Variants in FGD2 observed in about 807,000 individuals in gnomAD.
FGD2 encodes the protein FYVE, RhoGEF and PH domain-containing protein 2.
Under a neutral mutation model 75.9 loss-of-function variants are expected in FGD2, and 52 were observed. The observed-to-expected ratio is 0.69, with a 90% CI of 0.55 to 0.86. FGD2 has a LOEUF of 0.86. FGD2 is among the 40% of genes least tolerant of loss of function. FGD2 has a pLI of 0.00. For synonymous variants in FGD2, 347 were observed against 348.6 expected (o/e 1.00, Z 0.05); for missense variants, 790 against 872.0 (o/e 0.91, Z 1.18).
chr6:37,009,444 A>C, intron 2 of FGD2: 1 of 209,204 alleles, frequency 4.8e-6, no homozygotes, highest in Non-Finnish European at 9.7e-6. Context: ...CTAGAAATAG[A>C]GGTCTGAGTG....
intron 14 of FGD2, 56 bp downstream of exon 14, chr6:37,025,994 C>A: frequency 6.3e-7 from 1 of 1,598,066 alleles, no homozygotes; most frequent in South Asian, 1.1e-5. Context: ...GAATGTGTGC[C>A]CGGCAACCAT....
At position 37,005,762 on chromosome 6, in the gene FGD2, G is replaced by A. The variant is rs943698057; in HGVS notation, c.-56G>A. The A allele has an allele frequency of 3.2e-6, 5 of 1,585,578 alleles. No individual in the cohort carries two copies. The African/African-American group carries it at 6.7e-5, about 21-fold the overall frequency. On this transcript the variant is annotated 5_prime_UTR_variant, in exon 1 of 16. The change creates a premature stop within an existing upstream ORF in the 5' untranslated region. Transcript: ENST00000274963. ...GCCAGCGTGGCTGAGTGTGCTGGCT[G>A]GAGGCCTCTCTCTCTGCTTCGAGGG... is the stretch of plus-strand genomic sequence containing the variant.
rs1480068214 is a variant in FGD2 at position 37,022,226 on chromosome 6, C to T, written c.1327-13C>T. The T allele has an allele frequency of 6.3e-7, 1 of 1,598,932 alleles. No homozygotes were observed. The highest frequency in any genetic ancestry group is 1.7e-5 in the Admixed American group (1 of 58,274). ...CAAGGGCCCATTCCTGCCCAACTCC[C>T]CTTAACCCACAGCTGCAGTCTGAGG... On this transcript the variant is annotated splice_polypyrimidine_tract_variant and intron_variant, in intron 12 of 15. Coordinates refer to ENST00000274963, the MANE Select transcript of FGD2 (RefSeq NM_173558.4).
In FGD2 at chr6:37,021,940, G is replaced by T. The variant is rs562961912; in HGVS notation, c.1327-299G>T. On this transcript the variant is annotated intron_variant, in intron 12 of 15. Transcript: ENST00000274963. ...AAGATGGAAGGTGAGTGAGGTGGGG[G>T]CTGGGGAGGATATCTGTGGTTTGAG... 2.6e-5 allele frequency: 13 copies of T among 501,428 alleles called. No homozygotes were observed. The East Asian group carries it at 4.4e-4, about 17-fold the overall frequency. 31.1% of individuals were successfully genotyped at this position (501,428 alleles called of 1,614,324 possible).
chr6:37,022,207 C>T, intron 12 of FGD2, 32 bp from the exon 13 acceptor site: 1 of 1,589,500 alleles, frequency 6.3e-7, no homozygotes, highest in Non-Finnish European at 8.6e-7. Context: ...TCACCAAGGG[C>T]CCATTCCTGC....
rs753688678 is a variant in FGD2, at chr6:37,011,688, C to T, written c.379-18C>T. 6.2e-7 allele frequency: 1 copy of T among 1,613,838 alleles called. No individual in the cohort carries two copies. The highest frequency in any genetic ancestry group is 1.7e-5 in the Admixed American group (1 of 59,984). ...GCTCCCTGTCACTGCAGTGAGTGAC[C>T]TGTCGTGGCGGCTACAGGTGTTTTT... On this transcript the variant is annotated intron_variant, in intron 3 of 15. Transcript: ENST00000274963.
chr6:37,011,590 C>G, intron 3 of FGD2, 116 bp from the exon 4 acceptor site: 1 of 1,405,550 alleles, frequency 7.1e-7, no homozygotes, highest in Non-Finnish European at 9.9e-7. Flanking sequence ...GTGAGGATGC[C>G]GGGAGATCAG....
At chr6:37,026,861 A>T (rs1180454214) in intron 14 of FGD2, among the ~76,000 whole-genome samples, 3 of 151,430 alleles carry the variant, frequency 2.0e-5, no homozygotes, top group Non-Finnish European at 4.4e-5. Context: ...AAAAAAAATC[A>T]GCCGGGCATG....
At chr6:37,021,655 C>A in intron 12 of FGD2, 51 bp downstream of exon 12, 1 of 1,492,932 alleles carries the variant, frequency 6.7e-7, no homozygotes, top group Non-Finnish European at 9.2e-7. Context: ...CCAAATAGAG[C>A]TTGTTCCCTC....
In FGD2 at chr6:37,015,979, C is replaced by CA. The variant is rs1335920798; in HGVS notation, c.1122+122dup. 10 of 900,020 alleles carry CA rather than the reference C, an allele frequency of 1.1e-5. No individual in the cohort carries two copies. The African/African-American group carries it at 1.4e-4, about 12-fold the overall frequency. 55.8% of individuals were successfully genotyped at this position (900,020 alleles called of 1,614,324 possible). On this transcript the variant is annotated intron_variant, in intron 9 of 15. Coordinates refer to ENST00000274963, the MANE Select transcript of FGD2 (RefSeq NM_173558.4). ...GAACCAAACCCTTGCAGGGCCTGGG[C>CA]AAACATGGAGATGGAAGAGTGTGGG...
rs140731698 is a variant in FGD2, at chr6:37,013,760, A to C, written c.679A>C (p.Ile227Leu). ...SPLFQEVLTR[I>L]QSSEASGSLT... The stretch of plus-strand genomic sequence containing the variant: ...ACTCTTCCAGGAGGTTCTCACTCGC[A>C]TCCAGGTGAGGCTGGGGGAGGGCTG... Residue 227 changes from isoleucine to leucine, a missense_variant, in exon 5 of 16, where the codon ATC becomes CTC. Ile to Leu is a conservative substitution (Grantham distance 5). Transcript: ENST00000274963. 1.3e-5 allele frequency: 21 copies of C among 1,613,818 alleles called. No homozygotes were observed. Among genetic ancestry groups the C allele is most frequent in the Non-Finnish European group, 1.7e-5 (20 of 1,179,918 alleles).
At chr6:37,027,126 C>T (rs1021646092) in intron 14 of FGD2, among the ~76,000 whole-genome samples, 2 of 152,210 alleles carry the variant, frequency 1.3e-5, no homozygotes, top group African/African-American at 4.8e-5. Context: ...TGGAGATGCT[C>T]AGCCCCTTCT....
At chr6:37,005,966 C>A (rs376475910) in intron 1 of FGD2, 81 bp downstream of exon 1, 2 of 1,507,482 alleles carry the variant, frequency 1.3e-6, no homozygotes, top group African/African-American at 1.4e-5. Flanking sequence ...TCTCCCTGGG[C>A]CCTGCCCCGG....
chr6:37,022,075 A>G, intron 12 of FGD2, 164 bp from the exon 13 acceptor site: 1 of 924,766 alleles, frequency 1.1e-6, no homozygotes, highest in Non-Finnish European at 1.6e-6. Context: ...CTAACGTATC[A>G]TAAGGTCTCG....
At chr6:37,025,516 G>C (rs935279922) in intron 13 of FGD2, 1 of 472,548 alleles carries the variant, frequency 2.1e-6, no homozygotes, top group African/African-American at 1.9e-5. Context: ...GGAACCTGGA[G>C]GGGAGAGAAG....
rs371671447 is a variant in FGD2, at chr6:37,011,028, C to T, written c.356C>T (p.Ala119Val). The part of the protein sequence containing the change: ...ELLETEQAYV[A>V]RLHLLDQVFF... ...CTGGAGACAGAGCAGGCCTATGTGG[C>T]GCGCCTCCACCTGCTAGACCAGGCC... Residue 119 changes from alanine to valine, a missense_variant, in exon 3 of 16, where the codon GCG becomes GTG. Physicochemically the swap from Ala to Val is moderately conservative, Grantham distance 64. Transcript: ENST00000274963. The T allele has an allele frequency of 2.3e-5, 37 of 1,614,030 alleles. No homozygotes were observed. The highest frequency in any genetic ancestry group is 4.5e-5 in the East Asian group (2 of 44,894).
At chr6:37,009,172 G>A (rs1764893514) in intron 2 of FGD2, 107 bp downstream of exon 2, 1 of 1,093,574 alleles carries the variant, frequency 9.1e-7, no homozygotes, top group Non-Finnish European at 1.3e-6. Context: ...CCCCAGGTGG[G>A]GGTATGGTGT....
chr6:37,006,025 T>A, intron 1 of FGD2, 140 bp downstream of exon 1: 1 of 949,600 alleles, frequency 1.1e-6, no homozygotes, highest in Non-Finnish European at 1.6e-6. Context: ...ACGGATTCCT[T>A]GGAGCATGGG....
chr6:37,020,390 G>T (rs1211429027), intron 9 of FGD2, 151 bp from the exon 10 acceptor site: 2 of 727,202 alleles, frequency 2.8e-6, no homozygotes, highest in African/African-American at 3.5e-5. Context: ...TGGCTCAACA[G>T]GATTAGAGAG....
Sources: gnomAD v4.1 joint callset for allele counts (sites outside exome capture counted in the v4.1 genomes callset) on GRCh38, gnomAD v4.1.1 for gene constraint, MANE v1.5 for transcripts, NCBI Gene and HGNC (gene_info 2026-07-23, HGNC 2026-07-21) for gene names.